The following CPED1 variants were observed in gnomAD, a reference collection of about 807,000 sequenced individuals.
CPED1 encodes the protein cadherin like and PC-esterase domain containing 1, also known as cadherin-like and PC-esterase domain-containing protein 1.
A neutral mutation model predicts 128.2 loss-of-function variants in CPED1; 114 were observed. That is an observed-to-expected ratio of 0.89 (90% confidence interval 0.76 to 1.04). The LOEUF (loss-of-function observed/expected upper bound fraction) is 1.04. Ranked by LOEUF, CPED1 falls within the 50% of genes least tolerant of loss-of-function variation. The pLI is 0.00. For missense variants in CPED1, 1,211 were observed against 1,207.1 expected (o/e 1.00, Z -0.05); for synonymous variants, 462 against 426.7 (o/e 1.08, Z -1.02).
chr7:121,076,380 G>T (rs1354171978), intron 5 of CPED1, among the ~76,000 whole-genome samples: 1 of 152,148 alleles, frequency 6.6e-6, no homozygotes, highest in East Asian at 1.9e-4. Context: ...TAGGTAGAAA[G>T]ATAGTAACAG....
chr7:121,172,646 T>TTGGA (rs1272764099), intron 16 of CPED1, among the ~76,000 whole-genome samples: 2 of 119,508 alleles, frequency 1.7e-5, no homozygotes, highest in Non-Finnish European at 3.6e-5. Flanking sequence ...GGGTGGGTGG[T>TTGGA]TGGATGGATG....
intron 2 of CPED1, among the ~76,000 whole-genome samples, chr7:121,014,858 A>G (rs933142033): frequency 6.6e-6 from 1 of 152,152 alleles, no homozygotes; most frequent in African/African-American, 2.4e-5. Flanking sequence ...TCCTTCTAGT[A>G]ATAAAAATCA....
At chr7:121,275,069 C>A (rs189171583) in intron 22 of CPED1, among the ~76,000 whole-genome samples, 3 of 152,086 alleles carry the variant, frequency 2.0e-5, no homozygotes, top group Admixed American at 2.0e-4. Context: ...CTAAACTATT[C>A]CCACAATAGA....
chr7:121,233,651 G>A (rs1418753754), intron 16 of CPED1, among the ~76,000 whole-genome samples: 1 of 152,072 alleles, frequency 6.6e-6, no homozygotes, highest in African/African-American at 2.4e-5. Flanking sequence ...AAAGAAATGA[G>A]AGACACTAAT....
chr7:121,186,634 T>G (rs73717473), intron 16 of CPED1, among the ~76,000 whole-genome samples: 1 of 152,154 alleles, frequency 6.6e-6, no homozygotes, highest in African/African-American at 2.4e-5. Flanking sequence ...AAGTCTTTTG[T>G]GAGACCCTAA....
At chr7:121,141,408 G>C (rs544716294) in intron 15 of CPED1, among the ~76,000 whole-genome samples, 13 of 151,778 alleles carry the variant, frequency 8.6e-5, no homozygotes, top group Non-Finnish European at 1.9e-4. Flanking sequence ...TTTTCCTATT[G>C]ATTCTTTTAA....
chr7:121,027,005 AT>A (rs111761805), intron 3 of CPED1, among the ~76,000 whole-genome samples: 44,893 of 135,336 alleles, frequency 0.33, 7,230 homozygotes, highest in African/African-American at 0.44. Context: ...AATTTTTCTT[AT>A]TTTTTTTTTT....
intron 22 of CPED1, among the ~76,000 whole-genome samples, chr7:121,279,466 A>G (rs1792404977): frequency 9.2e-6 from 1 of 109,022 alleles, no homozygotes; most frequent in Admixed American, 9.0e-5. Flanking sequence ...GCCACAAAGA[A>G]AAAACAGAAT....
At position 121,047,697 on chromosome 7, in the gene CPED1, CTTCTTCTTCTTCTTCTTCTTTTT is replaced by C. The variant is rs1459842959; in HGVS notation, c.540+707_540+729del. Among the ~76,000 whole-genome samples, 28 of 78,212 alleles carry C rather than the reference CTTCTTCTTCTTCTTCTTCTTTTT, an allele frequency of 3.6e-4. 2 individuals carry two copies. The highest frequency in any genetic ancestry group is 1.6e-3 in the African/African-American group (28 of 17,994). The allele number at this position is 78,212 out of a possible 152,430, so 51.3% of individuals were successfully genotyped here. A position where few individuals can be genotyped will look rare whatever the true frequency, so the allele number is the denominator to read the frequency against. The stretch of plus-strand genomic sequence containing the variant: ...TCTTCTTCTTCTTCTTCTTCTTCTT[CTTCTTCTTCTTCTTCTTCTTTTT>C]TTTTTTTTGAGACGTAATCTTGCTC... On this transcript the variant is annotated intron_variant, in intron 4 of 22. Transcript: ENST00000310396.
chr7:121,154,077 T>G (rs1308450012), intron 16 of CPED1, among the ~76,000 whole-genome samples: 1 of 152,150 alleles, frequency 6.6e-6, no homozygotes, highest in Non-Finnish European at 1.5e-5. Context: ...GATGAAGTAT[T>G]AAATCAAAAC....
At chr7:121,000,546 C>A (rs2116759837) in intron 2 of CPED1, among the ~76,000 whole-genome samples, 1 of 152,158 alleles carries the variant, frequency 6.6e-6, no homozygotes. Flanking sequence ...GCAGAATGGG[C>A]CTTATCATGT....
At chr7:121,026,307 T>C (rs186860740) in intron 3 of CPED1, among the ~76,000 whole-genome samples, 1 of 152,272 alleles carries the variant, frequency 6.6e-6, no homozygotes, top group East Asian at 1.9e-4. Context: ...CAGTTTCTCT[T>C]TCCTGAAATC....
chr7:121,055,905 TG>T (rs1254932946), intron 4 of CPED1, among the ~76,000 whole-genome samples: 1 of 152,030 alleles, frequency 6.6e-6, no homozygotes, highest in Non-Finnish European at 1.5e-5. Context: ...ATCAAAATTT[TG>T]AATGTGTTTT....
At chr7:121,098,942 T>C (rs977661537) in intron 6 of CPED1, among the ~76,000 whole-genome samples, 3 of 150,704 alleles carry the variant, frequency 2.0e-5, no homozygotes, top group African/African-American at 7.3e-5. Context: ...TTGGTATCAT[T>C]TATGATGAAA....
intron 3 of CPED1, among the ~76,000 whole-genome samples, chr7:121,027,488 C>T (rs1792620672): frequency 6.6e-6 from 1 of 151,982 alleles, no homozygotes; most frequent in South Asian, 2.1e-4. Flanking sequence ...ATCTCTCCTT[C>T]AGATATTCAA....
chr7:121,048,798 C>A (rs1793278161), intron 4 of CPED1, among the ~76,000 whole-genome samples: 1 of 152,234 alleles, frequency 6.6e-6, no homozygotes. Flanking sequence ...CTCGGCCTCC[C>A]AAAGTTCTGG....
chr7:121,030,847 G>A (rs1050594396), intron 3 of CPED1, among the ~76,000 whole-genome samples: 1 of 152,102 alleles, frequency 6.6e-6, no homozygotes, highest in African/African-American at 2.4e-5. Flanking sequence ...GCAGATAAGG[G>A]GGACTACTAT....
At chr7:121,264,683 T>C (rs1792088004) in intron 18 of CPED1, among the ~76,000 whole-genome samples, 1 of 151,960 alleles carries the variant, frequency 6.6e-6, no homozygotes, top group Non-Finnish European at 1.5e-5. Context: ...TAAGCAATGA[T>C]GGCAATGCCT....
rs190945659 is a variant in CPED1, at chr7:121,096,565, C to A, written c.617-1134C>A. ...CCATTGACCTGGCAATTACACATAC[C>A]AATACAAATCCGCCACTAGACAAAC... On this transcript the variant is annotated intron_variant, in intron 5 of 22. Coordinates refer to ENST00000310396, the MANE Select transcript of CPED1 (RefSeq NM_024913.5). Among the ~76,000 whole-genome samples, 5 of 152,046 alleles carry A rather than the reference C, an allele frequency of 3.3e-5. No homozygotes were observed. In the East Asian group the frequency reaches 9.7e-4, roughly 29 times the overall value.
Sources: allele counts gnomAD v4.1 joint callset (sites outside exome capture counted in the v4.1 genomes callset), GRCh38; gene constraint gnomAD v4.1.1; transcripts MANE v1.5; gene names NCBI Gene and HGNC (gene_info 2026-07-23, HGNC 2026-07-21).